Variants in EPB41 observed in about 807,000 individuals in gnomAD.
EPB41 encodes the protein protein 4.1.
EPB41 carries 65 observed loss-of-function variants against 108.0 expected under a neutral mutation model. That is an observed-to-expected ratio of 0.60 (90% CI 0.49 to 0.74). The LOEUF is 0.74. Ranked by LOEUF, EPB41 falls within the 30% of genes least tolerant of loss-of-function variation. The probability of loss-of-function intolerance (pLI) is 0.00; values close to 1 mark genes in which losing one functional copy is unlikely to be tolerated. For synonymous variants in EPB41, 336 were observed against 358.9 expected, an observed-to-expected ratio of 0.94 and a Z score of 0.72; for missense variants, 875 against 1,037.0, an observed-to-expected ratio of 0.84 and a Z score of 2.15.
intron 3 of EPB41, among the ~76,000 whole-genome samples, chr1:28,996,750 G>A (rs2096186221): frequency 6.6e-6 from 1 of 152,144 alleles, no homozygotes; most frequent in Non-Finnish European, 1.5e-5. Flanking sequence ...CTTAAACTAT[G>A]TAGCCACCTG....
intron 1 of EPB41, among the ~76,000 whole-genome samples, chr1:28,952,942 T>C (rs2094794959): frequency 6.6e-6 from 1 of 152,192 alleles, no homozygotes; most frequent in Admixed American, 6.5e-5. Flanking sequence ...TTGGCCAAGC[T>C]GGTCTCGAAC....
At chr1:28,937,482 C>T (rs1346526117) in intron 1 of EPB41, among the ~76,000 whole-genome samples, 3 of 152,168 alleles carry the variant, frequency 2.0e-5, no homozygotes, top group Admixed American at 6.5e-5. Flanking sequence ...GCAACCTCTG[C>T]CTCACAGGCT....
rs181545116 is a variant in EPB41 at position 29,022,449 on chromosome 1, G to A, written c.1124+4007G>A. 9.9e-5 allele frequency among the ~76,000 whole-genome samples: 15 copies of A among 151,704 alleles called. No individual in the cohort carries two copies. The East Asian group carries it at 1.9e-3, about 20-fold the overall frequency. ...CAGAAAAGAATATTTTAGGCCAGGC[G>A]CAGTGGCTCATGCCTGTAATCCCAG... On this transcript the variant is annotated intron_variant, in intron 7 of 20. Coordinates refer to ENST00000343067, the MANE Select transcript of EPB41 (RefSeq NM_001376013.1).
chr1:29,046,873 C>G (rs943156442), intron 11 of EPB41, among the ~76,000 whole-genome samples: 2 of 152,048 alleles, frequency 1.3e-5, no homozygotes, highest in Non-Finnish European at 2.9e-5. Context: ...GGAGTAAGTT[C>G]GAATTGGTCG....
intron 12 of EPB41, among the ~76,000 whole-genome samples, chr1:29,055,629 G>C (rs913299466): frequency 2.2e-5 from 3 of 138,062 alleles, no homozygotes; most frequent in African/African-American, 5.7e-5. Flanking sequence ...GGGTGACTCT[G>C]AGCTGATTTT....
chr1:29,031,884 C>T (rs1356004078), intron 8 of EPB41: 2 of 152,034 alleles, frequency 1.3e-5, no homozygotes, highest in African/African-American at 2.4e-5. Flanking sequence ...CGCTCAAGCT[C>T]AGGAATTCAA....
intron 17 of EPB41, among the ~76,000 whole-genome samples, chr1:29,098,735 TTTTG>T (rs201079494): frequency 0.02 from 3,066 of 151,860 alleles, 54 homozygotes; most frequent in Middle Eastern, 0.095. Flanking sequence ...TTTAAGTGTT[TTTTG>T]TTTGTTTGTT....
intron 7 of EPB41, among the ~76,000 whole-genome samples, chr1:29,029,384 G>T (rs2096760775): frequency 6.6e-6 from 1 of 151,906 alleles, no homozygotes; most frequent in Non-Finnish European, 1.5e-5. Context: ...GGTGGTTGTT[G>T]TTCCAAGGAA....
intron 5 of EPB41, among the ~76,000 whole-genome samples, chr1:29,015,396 A>G (rs1169197057): frequency 1.3e-5 from 2 of 152,130 alleles, no homozygotes; most frequent in Middle Eastern, 3.2e-3. Flanking sequence ...TGTCTCTACT[A>G]AAAATACAAA....
intron 12 of EPB41, chr1:29,054,171 T>G (rs1644970266): frequency 6.6e-6 from 1 of 152,196 alleles, no homozygotes; most frequent in Non-Finnish European, 1.5e-5. Context: ...GCACCCACAG[T>G]CACTGCACTG....
chr1:29,017,852 A>G (rs1273644154), intron 6 of EPB41, among the ~76,000 whole-genome samples: 2 of 152,152 alleles, frequency 1.3e-5, no homozygotes, highest in Non-Finnish European at 2.9e-5. Flanking sequence ...GTGTGTGTGA[A>G]GATTAGGTGA....
intron 16 of EPB41, among the ~76,000 whole-genome samples, chr1:29,088,852 G>GT (rs1386148618): frequency 2.6e-5 from 4 of 152,316 alleles, no homozygotes; most frequent in Admixed American, 2.6e-4. Flanking sequence ...GCATGTGCCT[G>GT]TAGTCCTAGC....
chr1:29,080,540 C>T (rs74790537), intron 16 of EPB41, among the ~76,000 whole-genome samples: 1,573 of 152,030 alleles, frequency 0.01, 33 homozygotes, highest in African/African-American at 0.035. Flanking sequence ...TCCCAAGTTG[C>T]TGGGACCACA....
At chr1:29,090,707 G>A (rs376690493) in intron 16 of EPB41, among the ~76,000 whole-genome samples, 8 of 152,252 alleles carry the variant, frequency 5.3e-5, no homozygotes, top group Middle Eastern at 3.4e-3. Context: ...CTGACATCGC[G>A]CCATTGCACT....
chr1:29,055,885 G>A (rs1256532972), intron 12 of EPB41, among the ~76,000 whole-genome samples: 5 of 129,632 alleles, frequency 3.9e-5, no homozygotes, highest in African/African-American at 9.3e-5. Flanking sequence ...CTGAGATTGC[G>A]CCACTGCACG....
chr1:29,057,373 C>CAAAAAAAAAAAAA (rs72047998), intron 12 of EPB41, among the ~76,000 whole-genome samples: 1 of 65,292 alleles, frequency 1.5e-5, no homozygotes. Context: ...GACTCTGTCT[C>CAAAAAAAAAAAAA]AAAAAAAAAA....
chr1:28,929,914 T>C (rs963824896), intron 1 of EPB41, among the ~76,000 whole-genome samples: 1 of 149,082 alleles, frequency 6.7e-6, no homozygotes, highest in African/African-American at 2.5e-5. Context: ...ATTTAACCAT[T>C]TAAAGTATAC....
At chr1:29,050,836 C>T (rs564175046) in intron 11 of EPB41, among the ~76,000 whole-genome samples, 1 of 151,786 alleles carries the variant, frequency 6.6e-6, no homozygotes, top group Admixed American at 6.6e-5. Flanking sequence ...CCACCACGCC[C>T]AGCTAATTTT....
intron 7 of EPB41, among the ~76,000 whole-genome samples, chr1:29,024,595 T>C (rs2096694806): frequency 1.3e-5 from 2 of 151,816 alleles, no homozygotes; most frequent in South Asian, 4.1e-4. Context: ...ATCGCACCAC[T>C]GCACCCCAGC....
Sources: gnomAD v4.1 joint callset for allele counts (sites outside exome capture counted in the v4.1 genomes callset) on GRCh38, gnomAD v4.1.1 for gene constraint, MANE v1.5 for transcripts, NCBI Gene and HGNC (gene_info 2026-07-23, HGNC 2026-07-21) for gene names.